The following PPP1R12B variants were observed in gnomAD, a reference collection of about 807,000 sequenced individuals.
PPP1R12B encodes myosin phosphatase target subunit 2.
PPP1R12B carries 76 observed loss-of-function variants against 126.1 expected under a neutral mutation model. The ratio of observed to expected loss-of-function variants is 0.60; its 90% CI spans 0.50 to 0.73. PPP1R12B has a LOEUF of 0.73. Ranked by LOEUF, PPP1R12B falls within the 30% of genes least tolerant of loss-of-function variation. The pLI is 0.00. For synonymous variants in PPP1R12B, 356 were observed against 434.7 expected (o/e 0.82, Z 2.25); for missense variants, 1,052 against 1,205.1 (o/e 0.87, Z 1.88).
At chr1:202,363,054 G>A (rs187028021) in intron 1 of PPP1R12B, among the ~76,000 whole-genome samples, 229 of 152,242 alleles carry the variant, frequency 1.5e-3, no homozygotes, top group Non-Finnish European at 2.3e-3. Flanking sequence ...GGCTGGTCTG[G>A]AACTCCTGGA....
In PPP1R12B at chr1:202,363,371, G is replaced by A. The variant is rs530222250; in HGVS notation, c.291+14229G>A. Among the ~76,000 whole-genome samples, 42 of 152,282 alleles carry A rather than the reference G, an allele frequency of 2.8e-4. 1 individual carries two copies. In the South Asian group the frequency reaches 7.7e-3, roughly 28 times the overall value. On this transcript the variant is annotated intron_variant, in intron 1 of 23. Transcript: ENST00000608999. ...TCCATTTCCTATTAATCTGTTCATA[G>A]TAAAAGTGGAGAAAAGGGTATTGAT...
chr1:202,502,652 G>A (rs1680358693), intron 18 of PPP1R12B: 1 of 219,188 alleles, frequency 4.6e-6, no homozygotes, highest in Admixed American at 6.5e-5. Context: ...ATGTTAAAAG[G>A]TGATACGTGC....
intron 18 of PPP1R12B, among the ~76,000 whole-genome samples, chr1:202,505,850 G>T (rs926116790): frequency 6.6e-6 from 1 of 151,946 alleles, no homozygotes; most frequent in Admixed American, 6.6e-5. Context: ...ACCTGTTTAG[G>T]CAGATTTTTT....
chr1:202,511,659 T>C (rs979209418), intron 18 of PPP1R12B, among the ~76,000 whole-genome samples: 6 of 152,320 alleles, frequency 3.9e-5, no homozygotes, highest in Middle Eastern at 3.4e-3. Flanking sequence ...TTTCCATTCC[T>C]GAGTTATTAC....
chr1:202,366,008 CA>C (rs1553265021), intron 1 of PPP1R12B, among the ~76,000 whole-genome samples: 1 of 151,468 alleles, frequency 6.6e-6, no homozygotes, highest in Non-Finnish European at 1.5e-5. Context: ...CGCCCCCCCA[CA>C]AAAAAACCTC....
chr1:202,457,533 A>G (rs1673787639), intron 13 of PPP1R12B, among the ~76,000 whole-genome samples: 2 of 151,644 alleles, frequency 1.3e-5, no homozygotes, highest in South Asian at 4.2e-4. Flanking sequence ...AGCCTGGGAG[A>G]CAGAGCGAGA....
chr1:202,470,766 C>G (rs1018968149), intron 13 of PPP1R12B, among the ~76,000 whole-genome samples: 1 of 151,896 alleles, frequency 6.6e-6, no homozygotes, highest in African/African-American at 2.4e-5. Context: ...TTAGCCAGGC[C>G]TGGGAGCCTG....
chr1:202,364,475 A>G (rs1445847886), intron 1 of PPP1R12B, among the ~76,000 whole-genome samples: 2 of 152,152 alleles, frequency 1.3e-5, no homozygotes, highest in Non-Finnish European at 2.9e-5. Flanking sequence ...CACCCAGGTA[A>G]GAGAGCAGCG....
At chr1:202,412,996 A>G (rs1667605435) in intron 1 of PPP1R12B, among the ~76,000 whole-genome samples, 1 of 152,062 alleles carries the variant, frequency 6.6e-6, no homozygotes, top group Admixed American at 6.6e-5. Context: ...AACATTTTAC[A>G]TGGTAAAGAA....
Position 202,438,353 on chromosome 1 carries a change from G to A in PPP1R12B, c.1458+329G>A, listed in dbSNP as rs1036967988. Reference sequence around the variant, plus strand: ...GGAGGGGGGCACAGGACCCCAGGTAGGGGTCCTGGATCCAGAGGGCCAATT... The same window carrying A: ...GGAGGGGGGCACAGGACCCCAGGTAAGGGTCCTGGATCCAGAGGGCCAATT... On this transcript the variant is annotated intron_variant, in intron 10 of 23. Coordinates refer to ENST00000608999, the MANE Select transcript of PPP1R12B (RefSeq NM_002481.4). 189 of 1,004,982 alleles carry A rather than the reference G, an allele frequency of 1.9e-4. No individual in the cohort carries two copies. In the African/African-American group the frequency reaches 2.2e-3, roughly 12 times the overall value. 62.3% of individuals were successfully genotyped at this position (1,004,982 alleles called of 1,614,324 possible). A position where few individuals can be genotyped will look rare whatever the true frequency, so the allele number is the denominator to read the frequency against.
rs186801986 is a variant in PPP1R12B at position 202,496,783 on chromosome 1, G to A, written c.2451G>A (p.Glu817=). ...TTTTCTTCCCTTTTCTTTTTTAGGA[G>A]GATGAAACTGATGGCTCTGAAGAGG... is the stretch of plus-strand genomic sequence containing the variant. ...GTGINFWTKD[E]DETDGSEEVK... The change falls in exon 18 of 24, where the codon GAG becomes GAA. Residue 817 remains glutamate (E), a splice_region_variant and synonymous_variant. Coordinates refer to ENST00000608999, the MANE Select transcript of PPP1R12B (RefSeq NM_002481.4). The A allele has an allele frequency of 1.7e-5, 27 of 1,611,820 alleles. No individual in the cohort carries two copies. The Admixed American group carries it at 4.3e-4, about 26-fold the overall frequency.
chr1:202,361,455 A>G (rs1170511051), intron 1 of PPP1R12B, among the ~76,000 whole-genome samples: 1 of 152,162 alleles, frequency 6.6e-6, no homozygotes, highest in Non-Finnish European at 1.5e-5. Flanking sequence ...CTTTTAAACA[A>G]TCAGATCTCC....
In PPP1R12B at chr1:202,400,356, C is replaced by G. The variant is rs74991902; in HGVS notation, c.292-16431C>G. On this transcript the variant is annotated intron_variant, in intron 1 of 23. Coordinates refer to ENST00000608999, the MANE Select transcript of PPP1R12B (RefSeq NM_002481.4). ...ATTAGTAAGTCATAGACTCTGCATA[C>G]AAGGAGTCTTGCTGAGAATTTGACC... 4.9e-3 allele frequency among the ~76,000 whole-genome samples: 741 copies of G among 152,224 alleles called. 10 individuals are homozygous for G. The highest frequency in any genetic ancestry group is 0.016 in the African/African-American group (675 of 41,514).
chr1:202,450,783 A>G (rs1259364508), intron 13 of PPP1R12B, among the ~76,000 whole-genome samples: 1 of 152,218 alleles, frequency 6.6e-6, no homozygotes, highest in Admixed American at 6.5e-5. Flanking sequence ...TATCATCTGA[A>G]GTCAGGTAAT....
chr1:202,559,284 A>G (rs1243195184), intron 19 of PPP1R12B, among the ~76,000 whole-genome samples: 1 of 152,238 alleles, frequency 6.6e-6, no homozygotes, highest in Non-Finnish European at 1.5e-5. Flanking sequence ...GTAAGTGCCC[A>G]TTAGAAGTAC....
intron 10 of PPP1R12B, chr1:202,439,732 A>C: frequency 1.8e-6 from 1 of 566,308 alleles, no homozygotes; most frequent in Admixed American, 3.0e-5. Flanking sequence ...GGAGGGACTG[A>C]GGCCCTCTAG....
chr1:202,417,764 A>G (rs1396900816), intron 2 of PPP1R12B, among the ~76,000 whole-genome samples: 1 of 152,216 alleles, frequency 6.6e-6, no homozygotes, highest in Non-Finnish European at 1.5e-5. Flanking sequence ...GCCCTTTTCA[A>G]TAATATGATT....
chr1:202,444,340 T>C (rs533373658), intron 12 of PPP1R12B, among the ~76,000 whole-genome samples: 93 of 152,336 alleles, frequency 6.1e-4, no homozygotes, highest in African/African-American at 2.0e-3. Flanking sequence ...TTTTGAAATT[T>C]GAACCCAAAT....
At chr1:202,495,709 A>C in intron 17 of PPP1R12B, 27 bp downstream of exon 17, 1 of 1,574,164 alleles carries the variant, frequency 6.4e-7, no homozygotes, top group Non-Finnish European at 8.7e-7. Context: ...GTGCTGAGGC[A>C]TATCATATTA....
Sources: allele counts gnomAD v4.1 joint callset (sites outside exome capture counted in the v4.1 genomes callset), GRCh38; gene constraint gnomAD v4.1.1; transcripts MANE v1.5; gene names NCBI Gene and HGNC (gene_info 2026-07-23, HGNC 2026-07-21).